Variants in SLC39A12 observed in about 807,000 individuals in gnomAD.
The protein encoded by SLC39A12 is zinc transporter ZIP12.
In SLC39A12, 63 loss-of-function variants were observed where a neutral mutation model predicts 71.1. The observed-to-expected ratio is 0.89, with a 90% CI of 0.72 to 1.09. The LOEUF (loss-of-function observed/expected upper bound fraction) is 1.09. Ranked by LOEUF, SLC39A12 falls within the 50% of genes least tolerant of loss-of-function variation. The pLI is 0.00. For missense variants in SLC39A12, 892 were observed against 812.6 expected (o/e 1.10, Z -1.19); for synonymous variants, 351 against 301.3 (o/e 1.16, Z -1.71).
chr10:18,014,093 G>C lies in SLC39A12; in HGVS notation c.1947+10735G>C, dbSNP rs554710334. On this transcript the variant is annotated intron_variant, in intron 12 of 12. Coordinates refer to ENST00000377369, the MANE Select transcript of SLC39A12 (RefSeq NM_001145195.2). Reference sequence around the variant, plus strand: ...ATACTAAATTTTCCAATCCATGAACGTGAGATGTCTTTCCATTTATTTTGT... The same window carrying C: ...ATACTAAATTTTCCAATCCATGAACCTGAGATGTCTTTCCATTTATTTTGT... Among the ~76,000 whole-genome samples the C allele has an allele frequency of 6.6e-5, 10 of 152,188 alleles. No individual in the cohort carries two copies. The East Asian group carries it at 1.4e-3, about 21-fold the overall frequency.
chr10:18,013,980 T>C (rs1486113084), intron 12 of SLC39A12, among the ~76,000 whole-genome samples: 1 of 152,164 alleles, frequency 6.6e-6, no homozygotes, highest in Non-Finnish European at 1.5e-5. Flanking sequence ...ATTTTAGGGT[T>C]AATTTTTCTA....
intron 4 of SLC39A12, among the ~76,000 whole-genome samples, chr10:17,967,418 TC>T (rs1452054351): frequency 1.3e-5 from 2 of 152,188 alleles, no homozygotes; most frequent in Non-Finnish European, 2.9e-5. Context: ...AACACTCATT[TC>T]TTCCTTACTA....
rs575782020 is a variant in SLC39A12 at position 18,037,347 on chromosome 10, A to G, written c.1948-5358A>G. ...CATTGATATTTTCCATTTTTTTCTA[A>G]TTAGACCAATTCGCCCTTGGTCATA... On this transcript the variant is annotated intron_variant, in intron 12 of 12. Coordinates refer to ENST00000377369, the MANE Select transcript of SLC39A12 (RefSeq NM_001145195.2). Among the ~76,000 whole-genome samples, 13 of 152,230 alleles carry G rather than the reference A, an allele frequency of 8.5e-5. No homozygotes were observed. In the East Asian group the frequency reaches 2.3e-3, roughly 27 times the overall value.
At chr10:17,979,306 C>G (rs1024860100) in intron 5 of SLC39A12, among the ~76,000 whole-genome samples, 2 of 152,072 alleles carry the variant, frequency 1.3e-5, no homozygotes, top group South Asian at 4.1e-4. Context: ...GAGCAGCAAG[C>G]GAAGACCAAG....
At position 18,035,702 on chromosome 10, in the gene SLC39A12, C is replaced by T. The variant is rs149010638; in HGVS notation, c.1948-7003C>T. On this transcript the variant is annotated intron_variant, in intron 12 of 12. Coordinates refer to ENST00000377369, the MANE Select transcript of SLC39A12 (RefSeq NM_001145195.2). ...TCCGTTGCTGGTGAGGAACTGCGTTCCGCTGGAGGAGGAGAGATGCTCTGC... is the reference window on the plus strand; with the variant it reads ...TCCGTTGCTGGTGAGGAACTGCGTTTCGCTGGAGGAGGAGAGATGCTCTGC... 1.6e-3 allele frequency among the ~76,000 whole-genome samples: 241 copies of T among 152,352 alleles called. 2 individuals carry two copies. In the East Asian group the frequency reaches 0.041, roughly 26 times the overall value.
Position 18,017,513 on chromosome 10 carries a change from T to TAGCC in SLC39A12, c.1947+14158_1947+14161dup, listed in dbSNP as rs531207712. On this transcript the variant is annotated intron_variant, in intron 12 of 12. Transcript: ENST00000377369. ...TAGTAGAGACGGGGTTTCACCATGTTAGCCAGGCTGGTCTTGAACTCCTGA... is the reference window on the plus strand; with the variant it reads ...TAGTAGAGACGGGGTTTCACCATGTTAGCCAGCCAGGCTGGTCTTGAACTCCTGA... Among the ~76,000 whole-genome samples the TAGCC allele has an allele frequency of 3.3e-5, 5 of 152,300 alleles. No homozygotes were observed. The East Asian group carries it at 9.6e-4, about 29-fold the overall frequency.
chr10:17,961,703 C>A lies in SLC39A12; in HGVS notation c.384C>A (p.Ile128=). The change falls in exon 3 of 13, where the codon ATC becomes ATA. Residue 128 remains isoleucine (I), a synonymous_variant. Coordinates refer to ENST00000377369, the MANE Select transcript of SLC39A12 (RefSeq NM_001145195.2). ...ATTACATTATTCATCAGGAAGAGAT[C>A]TGTTCTTCAAAGCTCAACATGAGTA... ...LLYYIIHQEE[I]CSSKLNMSNK... is the part of the protein sequence containing the mutation. 2.5e-6 allele frequency: 4 copies of A among 1,614,060 alleles called. No homozygotes were observed. The highest frequency in any genetic ancestry group is 3.4e-6 in the Non-Finnish European group (4 of 1,179,948).
intron 12 of SLC39A12, among the ~76,000 whole-genome samples, chr10:18,038,640 G>A (rs911372404): frequency 6.8e-6 from 1 of 146,932 alleles, no homozygotes; most frequent in African/African-American, 2.6e-5. Context: ...CCACAAGAGT[G>A]AAACTCTGTC....
chr10:17,965,326 C>T (rs981242975), intron 3 of SLC39A12, among the ~76,000 whole-genome samples, 157 bp from the exon 4 acceptor site: 1 of 152,148 alleles, frequency 6.6e-6, no homozygotes, highest in Non-Finnish European at 1.5e-5. Flanking sequence ...AGAGTTGTAT[C>T]TGAGACAGGA....
chr10:18,000,886 G>T, intron 11 of SLC39A12, 61 bp downstream of exon 11: 1 of 1,484,174 alleles, frequency 6.7e-7, no homozygotes, highest in Non-Finnish European at 9.2e-7. Context: ...CATCTTTCCA[G>T]CTATGGTTTA....
At chr10:17,986,825 G>A (rs999833434) in intron 6 of SLC39A12, among the ~76,000 whole-genome samples, 9 of 152,068 alleles carry the variant, frequency 5.9e-5, no homozygotes, top group Non-Finnish European at 1.3e-4. Flanking sequence ...AGGTAATACA[G>A]TGAGACCCTA....
chr10:18,016,095 A>G (rs1836373562), intron 12 of SLC39A12, among the ~76,000 whole-genome samples: 1 of 152,180 alleles, frequency 6.6e-6, no homozygotes, highest in African/African-American at 2.4e-5. Context: ...GGTTTTATAC[A>G]TTCTATGGGT....
At chr10:18,015,902 G>C (rs2488110) in intron 12 of SLC39A12, among the ~76,000 whole-genome samples, 70,259 of 151,620 alleles carry the variant, frequency 0.46, 16,736 homozygotes, top group Non-Finnish European at 0.52. Flanking sequence ...TTTTAGGGCA[G>C]TTTTGGGTTC....
intron 10 of SLC39A12, among the ~76,000 whole-genome samples, chr10:17,999,294 C>CA (rs59734258): frequency 0.023 from 1,633 of 69,874 alleles, 89 homozygotes; most frequent in African/African-American, 0.053. Flanking sequence ...GACTCCATCT[C>CA]AAAAAAAAAA....
At chr10:18,011,198 T>C (rs551654141) in intron 12 of SLC39A12, among the ~76,000 whole-genome samples, 323 of 152,196 alleles carry the variant, frequency 2.1e-3, no homozygotes, top group Middle Eastern at 6.8e-3. Context: ...CAAGCAATTA[T>C]CCTGCCTCAG....
chr10:17,987,987 G>A (rs1057237734), intron 7 of SLC39A12, among the ~76,000 whole-genome samples: 2 of 152,058 alleles, frequency 1.3e-5, no homozygotes, highest in African/African-American at 2.4e-5. Context: ...CAGCCTGGCC[G>A]ATGTGGTGGA....
intron 11 of SLC39A12, chr10:18,002,727 C>G (rs1279990567): frequency 6.5e-6 from 1 of 152,692 alleles, no homozygotes; most frequent in East Asian, 1.9e-4. Flanking sequence ...TTAAAAATCT[C>G]ATATTAAGTA....
intron 2 of SLC39A12, among the ~76,000 whole-genome samples, chr10:17,960,634 C>G (rs138598107): frequency 2.6e-4 from 40 of 152,234 alleles, no homozygotes; most frequent in Admixed American, 3.9e-4. Context: ...AGAGAATAAA[C>G]AAGTAAACAA....
chr10:17,990,416 T>G (rs1835513731), intron 7 of SLC39A12, among the ~76,000 whole-genome samples: 1 of 152,168 alleles, frequency 6.6e-6, no homozygotes. Flanking sequence ...TTTTTAAAAT[T>G]TAATAGTAAC....
Sources: gnomAD v4.1 joint callset for allele counts (sites outside exome capture counted in the v4.1 genomes callset) on GRCh38, gnomAD v4.1.1 for gene constraint, MANE v1.5 for transcripts, NCBI Gene and HGNC (gene_info 2026-07-23, HGNC 2026-07-21) for gene names.